PCDHGB6: variants seen among roughly 807,000 people sequenced by gnomAD.
PCDHGB6 encodes protocadherin gamma-B6.
A neutral mutation model predicts 59.1 loss-of-function variants in PCDHGB6; 51 were observed. The observed-to-expected ratio is 0.86, with a 90% CI of 0.69 to 1.09. The LOEUF (loss-of-function observed/expected upper bound fraction) is 1.09. Ranked by LOEUF, PCDHGB6 falls within the 50% of genes least tolerant of loss-of-function variation. PCDHGB6 has a pLI of 0.00. For missense variants in PCDHGB6, 1,148 were observed against 1,205.1 expected (o/e 0.95, Z 0.70); for synonymous variants, 466 against 495.1 (o/e 0.94, Z 0.78).
At chr5:141,467,348 C>T (rs1182432500) in intron 1 of PCDHGB6, among the ~76,000 whole-genome samples, 5 of 152,142 alleles carry the variant, frequency 3.3e-5, no homozygotes, top group African/African-American at 9.7e-5. Context: ...CCACTGCCCC[C>T]GGCCAAATCA....
At chr5:141,435,050 C>A (rs2154556494) in intron 1 of PCDHGB6, among the ~76,000 whole-genome samples, 1 of 151,994 alleles carries the variant, frequency 6.6e-6, no homozygotes, top group East Asian at 1.9e-4. Flanking sequence ...TCCCATTGAC[C>A]ATGCAGCAGT....
chr5:141,481,021 GC>G (rs2099529893), intron 1 of PCDHGB6, among the ~76,000 whole-genome samples: 1 of 152,076 alleles, frequency 6.6e-6, no homozygotes, highest in Non-Finnish European at 1.5e-5. Context: ...TCACACCACT[GC>G]ACTCCAGCCT....
Position 141,476,035 on chromosome 5 carries a change from C to A in PCDHGB6, c.2419-18772C>A. On this transcript the variant is annotated intron_variant, in intron 1 of 3. Coordinates refer to ENST00000520790, the MANE Select transcript of PCDHGB6 (RefSeq NM_018926.3). This position sits in a 1 kb window ranked among gnomAD's most constrained non-coding sequence, Gnocchi z 7.6. ...CATGTCGGACTCGGCGCCCAGCGCCCAAGCGCTAACCCGCTGAAAGTTTCT... is the reference window on the plus strand; with the variant it reads ...CATGTCGGACTCGGCGCCCAGCGCCAAAGCGCTAACCCGCTGAAAGTTTCT... The A allele has an allele frequency of 1.4e-6, 2 of 1,466,592 alleles. No individual in the cohort carries two copies. The highest frequency in any genetic ancestry group is 1.8e-6 in the Non-Finnish European group (2 of 1,102,494). 90.8% of individuals were successfully genotyped at this position (1,466,592 alleles called of 1,614,324 possible). A position where few individuals can be genotyped will look rare whatever the true frequency, so the allele number is the denominator to read the frequency against.
chr5:141,423,174 C>T (rs1203454000), intron 1 of PCDHGB6: 1 of 1,613,484 alleles, frequency 6.2e-7, no homozygotes, highest in South Asian at 1.1e-5. Flanking sequence ...CCGTCCAGGA[C>T]CACGGCCAGC....
At chr5:141,465,775 T>TA (rs2099108994) in intron 1 of PCDHGB6, among the ~76,000 whole-genome samples, 1 of 152,030 alleles carries the variant, frequency 6.6e-6, no homozygotes, top group African/African-American at 2.4e-5. Context: ...CATCTCTTGT[T>TA]ACAGTTTTTT....
At chr5:141,501,510 T>G (rs11744379) in intron 2 of PCDHGB6, among the ~76,000 whole-genome samples, 29,206 of 151,772 alleles carry the variant, frequency 0.19, 2,837 homozygotes, top group Middle Eastern at 0.24. Context: ...CTCCAAGGCC[T>G]CCAAGCTGAA....
At chr5:141,457,560 G>A (rs1466753974) in intron 1 of PCDHGB6, among the ~76,000 whole-genome samples, 1 of 152,162 alleles carries the variant, frequency 6.6e-6, no homozygotes, top group African/African-American at 2.4e-5. Flanking sequence ...ATAAGCTTTG[G>A]AGCAAAATTT....
intron 2 of PCDHGB6, among the ~76,000 whole-genome samples, chr5:141,499,256 A>G (rs371266271): frequency 6.6e-6 from 1 of 151,968 alleles, no homozygotes; most frequent in Non-Finnish European, 1.5e-5. Context: ...AAGAGTCTCC[A>G]TTTGGTCCCT....
In PCDHGB6 at chr5:141,408,226, GCGCCGGGCCGGCC is replaced by G. The variant is rs2095062452; in HGVS notation, c.28_40del (p.Arg10GlyfsTer16). 6.4e-7 allele frequency: 1 copy of G among 1,562,288 alleles called. No homozygotes were observed. Among genetic ancestry groups the G allele is most frequent in the South Asian group, 1.2e-5 (1 of 85,664 alleles). On this transcript the variant is annotated frameshift_variant, in exon 1 of 4. Transcript: ENST00000520790. LOFTEE classifies it high-confidence loss of function. ...CGATGGGAGGGAGCTGCGCGCAGAG[GCGCCGGGCCGGCC>G]CGCGGCAGGTGCTATTTCCTTTGCT...
chr5:141,460,388 G>T (rs1425099375), intron 1 of PCDHGB6, among the ~76,000 whole-genome samples: 1 of 151,774 alleles, frequency 6.6e-6, no homozygotes, highest in East Asian at 1.9e-4. Context: ...TTATAATTTG[G>T]TCTATGAATC....
At chr5:141,482,048 G>T (rs375214441) in intron 1 of PCDHGB6, among the ~76,000 whole-genome samples, 12 of 150,156 alleles carry the variant, frequency 8.0e-5, no homozygotes, top group Middle Eastern at 6.9e-3. Flanking sequence ...TCATGCTGTT[G>T]CATTCCAGCC....
rs746487145 is a variant in PCDHGB6 at position 141,505,415 on chromosome 5, G to A, written c.2500G>A (p.Gly834Ser). 7.4e-6 allele frequency: 12 copies of A among 1,614,074 alleles called. No individual in the cohort carries two copies. The East Asian group carries it at 1.3e-4, about 18-fold the overall frequency. Residue 834 changes from glycine to serine, a missense_variant, in exon 3 of 4, where the codon GGC (glycine) becomes AGC (serine). Gly to Ser is a moderately conservative substitution (Grantham distance 56, BLOSUM62 0). Coordinates refer to ENST00000520790, the MANE Select transcript of PCDHGB6 (RefSeq NM_018926.3). ...CAGCTCCCAAAATGGCGATGACACC[G>A]GCACCTGGCCCAACAACCAGTTTGA... ...TSGSQNGDDT[G>S]TWPNNQFDTE...
rs2096271749 is a variant in PCDHGB6, at chr5:141,418,581, T to G, written c.2418+7961T>G. On this transcript the variant is annotated intron_variant, in intron 1 of 3. Coordinates refer to ENST00000520790, the MANE Select transcript of PCDHGB6 (RefSeq NM_018926.3). The stretch of plus-strand genomic sequence containing the variant: ...ATAGATGCCAATGACAACCCCCCAG[T>G]GTTCAGCCAGGACGTGTACAGGGTT... The G allele has an allele frequency of 2.5e-6, 4 of 1,613,854 alleles. No homozygotes were observed. The South Asian group carries it at 4.4e-5, about 18-fold the overall frequency.
chr5:141,421,491 A>G (rs934861223), intron 1 of PCDHGB6: 8 of 1,614,102 alleles, frequency 5.0e-6, no homozygotes, highest in Non-Finnish European at 6.8e-6. Context: ...TGATCACGGC[A>G]GGCAGGATAG....
intron 1 of PCDHGB6, chr5:141,419,579 C>A: frequency 6.2e-7 from 1 of 1,611,812 alleles, no homozygotes; most frequent in Non-Finnish European, 8.5e-7. Flanking sequence ...CGGCTCCGCG[C>A]TCTTCGACAC....
chr5:141,418,157 A>G, intron 1 of PCDHGB6: 1 of 1,614,074 alleles, frequency 6.2e-7, no homozygotes, highest in Non-Finnish European at 8.5e-7. Context: ...CAAAGAGAGA[A>G]GAAGATGTGA....
At chr5:141,415,614 G>A (rs1476229913) in intron 1 of PCDHGB6, 1 of 1,612,128 alleles carries the variant, frequency 6.2e-7, no homozygotes, top group Admixed American at 1.7e-5. Flanking sequence ...TGGTTCCAGT[G>A]AGTTTTATTT....
At chr5:141,414,186 G>C in intron 1 of PCDHGB6, 1 of 1,609,824 alleles carries the variant, frequency 6.2e-7, no homozygotes, top group Non-Finnish European at 8.5e-7. Context: ...CTGCAAAAGT[G>C]TTGATTACAG....
chr5:141,421,251 G>C (rs771398829), intron 1 of PCDHGB6: 1 of 1,606,888 alleles, frequency 6.2e-7, no homozygotes, highest in Non-Finnish European at 8.5e-7. Context: ...TACAGCGCGG[G>C]GACCGCAGTC....
Sources: gnomAD v4.1 joint callset for allele counts (sites outside exome capture counted in the v4.1 genomes callset) on GRCh38, gnomAD v4.1.1 for gene constraint, Gnocchi (gnomAD v3.1) non-coding constraint, MANE v1.5 for transcripts, NCBI Gene and HGNC (gene_info 2026-07-23, HGNC 2026-07-21) for gene names.